CAPN8: variants seen among roughly 807,000 people sequenced by gnomAD.
The protein encoded by CAPN8 is calpain 8.
A neutral mutation model predicts 80.9 loss-of-function variants in CAPN8; 87 were observed. The ratio of observed to expected loss-of-function variants is 1.07; its 90% CI spans 0.90 to 1.28. The LOEUF is 1.28. CAPN8 is among the 50% of genes most tolerant of loss of function. The pLI is 0.00. For synonymous variants in CAPN8, 299 were observed against 273.8 expected (o/e 1.09, Z -0.91); for missense variants, 757 against 702.0 (o/e 1.08, Z -0.89).
intron 10 of CAPN8, among the ~76,000 whole-genome samples, chr1:223,613,819 C>T (rs537877884): frequency 6.6e-6 from 1 of 152,292 alleles, no homozygotes; most frequent in East Asian, 1.9e-4. Context: ...GAATATGGCA[C>T]CCACTCCCTG....
At chr1:223,628,990 G>A in intron 2 of CAPN8, 1 of 549,838 alleles carries the variant, frequency 1.8e-6, no homozygotes, top group Middle Eastern at 4.7e-4. Context: ...TGGATCCTCT[G>A]CTCCTCCCTG....
chr1:223,554,262 A>G (rs961957076), intron 13 of CAPN8, among the ~76,000 whole-genome samples: 7 of 152,222 alleles, frequency 4.6e-5, no homozygotes, highest in African/African-American at 1.4e-4. Context: ...TCCTAAGGGA[A>G]TCACTGATAA....
At chr1:223,646,682 A>C (rs957083268) in intron 2 of CAPN8, among the ~76,000 whole-genome samples, 1 of 152,192 alleles carries the variant, frequency 6.6e-6, no homozygotes, top group Non-Finnish European at 1.5e-5. Flanking sequence ...GCGGGACAGC[A>C]GGGTACCCCT....
At chr1:223,544,886 C>T (rs1170477452) in intron 17 of CAPN8, 36 bp from the exon 18 acceptor site, 1 of 1,551,094 alleles carries the variant, frequency 6.4e-7, no homozygotes, top group East Asian at 2.4e-5. Flanking sequence ...AGAAAACAAC[C>T]ATTCACGGCC....
At chr1:223,648,176 C>T (rs1037367203) in intron 2 of CAPN8, among the ~76,000 whole-genome samples, 1 of 152,180 alleles carries the variant, frequency 6.6e-6, no homozygotes, top group African/African-American at 2.4e-5. Flanking sequence ...AACCAGAGGG[C>T]GATGAGCACC....
chr1:223,543,047 C>CA, intron 20 of CAPN8, 61 bp downstream of exon 20: 1 of 1,538,108 alleles, frequency 6.5e-7, no homozygotes, highest in Non-Finnish European at 8.8e-7. Context: ...TTGGCAGCTA[C>CA]ATGGTCCAAG....
At chr1:223,621,362 G>T (rs1657386479) in intron 7 of CAPN8, among the ~76,000 whole-genome samples, 1 of 151,432 alleles carries the variant, frequency 6.6e-6, no homozygotes, top group Non-Finnish European at 1.5e-5. Flanking sequence ...ATCCCAGGTT[G>T]CATCTCCAGC....
chr1:223,558,359 C>T (rs1384845373), intron 12 of CAPN8, among the ~76,000 whole-genome samples, 192 bp from the exon 13 acceptor site: 2 of 152,184 alleles, frequency 1.3e-5, no homozygotes, highest in Non-Finnish European at 2.9e-5. Context: ...ACCTCCACCC[C>T]ACCCTGAGTT....
rs375300981 is a variant in CAPN8 at position 223,628,739 on chromosome 1, T to G, written c.349A>C (p.Asn117His). 7.1e-6 allele frequency: 11 copies of G among 1,553,338 alleles called. No homozygotes were observed. In the Admixed American group the frequency reaches 2.1e-4, roughly 30 times the overall value. ...ACCACCCGGTAAAGCAGCTCTTCAT[T>G]CAGGGTCAGGGAGGCAATGGCAGCC... is the stretch of plus-strand genomic sequence containing the variant. ...LLAAIASLTL[N>H]EELLYRVVPR... The change falls in exon 3 of 21, where the codon AAT (asparagine) becomes CAT (histidine). Residue 117 changes from asparagine to histidine, a missense_variant. Transcript: ENST00000366872.
At chr1:223,545,082 T>C (rs762933141) in intron 17 of CAPN8, 149 bp downstream of exon 17, 18 of 1,425,430 alleles carry the variant, frequency 1.3e-5, no homozygotes, top group Admixed American at 2.2e-5. Flanking sequence ...GAGTCTCTCA[T>C]TGCCTTCTTG....
Position 223,613,812 on chromosome 1 carries a change from T to C in CAPN8, c.1312-1555A>G, listed in dbSNP as rs77946492. 6.6e-3 allele frequency among the ~76,000 whole-genome samples: 1,003 copies of C among 152,274 alleles called. 5 individuals carry two copies. Among genetic ancestry groups the C allele is most frequent in the Non-Finnish European group, 0.01 (697 of 68,026 alleles). On this transcript the variant is annotated intron_variant, in intron 10 of 20. Transcript: ENST00000366872. ...GAGAAGGGAGATACAGGAATGAGAA[T>C]ATGGCACCCACTCCCTGCAACCCCA...
At chr1:223,642,415 G>A (rs1350671050) in intron 2 of CAPN8, among the ~76,000 whole-genome samples, 1 of 152,140 alleles carries the variant, frequency 6.6e-6, no homozygotes, top group African/African-American at 2.4e-5. Context: ...GCCCCCCATA[G>A]GTTTCCCGGC....
At position 223,665,542 on chromosome 1, in the gene CAPN8, C is replaced by T. The variant is rs529391155; in HGVS notation, c.105G>A (p.Leu35=). 2 of 1,551,722 alleles carry T rather than the reference C, an allele frequency of 1.3e-6. No homozygotes were observed. The highest frequency in any genetic ancestry group is 1.7e-6 in the Non-Finnish European group (2 of 1,147,000). ...CCCCTGAGTCCAAGCACTGTTGCCTCAGGGTCTTGAAATCCTGGCCCAAGT... is the reference window on the plus strand; with the variant it reads ...CCCCTGAGTCCAAGCACTGTTGCCTTAGGGTCTTGAAATCCTGGCCCAAGT... ...LKYLGQDFKT[L]RQQCLDSGVL... The change falls in exon 1 of 21, where the codon CTG becomes CTA. Residue 35 remains leucine, a synonymous_variant. Transcript: ENST00000366872.
chr1:223,663,930 AC>A (rs1658718043), intron 1 of CAPN8, among the ~76,000 whole-genome samples: 1 of 152,244 alleles, frequency 6.6e-6, no homozygotes, highest in Non-Finnish European at 1.5e-5. Flanking sequence ...GAAAATAGGA[AC>A]CCTGACTTAA....
intron 1 of CAPN8, among the ~76,000 whole-genome samples, chr1:223,657,495 G>A (rs1658528976): frequency 6.6e-6 from 1 of 152,172 alleles, no homozygotes; most frequent in African/African-American, 2.4e-5. Context: ...GGCTGGGCAT[G>A]GTGACTCACA....
intron 2 of CAPN8, among the ~76,000 whole-genome samples, chr1:223,641,674 C>A (rs1421425090): frequency 6.6e-6 from 1 of 152,174 alleles, no homozygotes; most frequent in Non-Finnish European, 1.5e-5. Context: ...CTGTTTGCAC[C>A]AGTCCTACCA....
chr1:223,650,233 G>A (rs1318883577), intron 2 of CAPN8, among the ~76,000 whole-genome samples: 1 of 152,130 alleles, frequency 6.6e-6, no homozygotes, highest in Non-Finnish European at 1.5e-5. Context: ...TGCAGGCTGG[G>A]CCAGACCTGG....
chr1:223,642,944 T>G, intron 2 of CAPN8: 1 of 377,784 alleles, frequency 2.6e-6, no homozygotes, highest in South Asian at 1.9e-5. Flanking sequence ...GAAACATTTT[T>G]CTTAGTAAAT....
At chr1:223,622,675 C>A (rs996135993) in intron 7 of CAPN8, 140 bp downstream of exon 7, 29 of 691,462 alleles carry the variant, frequency 4.2e-5, no homozygotes, top group Non-Finnish European at 7.1e-5. Flanking sequence ...ATTTAATACT[C>A]TTTTCTGAAC....
Sources: allele counts gnomAD v4.1 joint callset (sites outside exome capture counted in the v4.1 genomes callset), GRCh38; gene constraint gnomAD v4.1.1; transcripts MANE v1.5; gene names NCBI Gene and HGNC (gene_info 2026-07-23, HGNC 2026-07-21).